The following RAP1A variants were observed in gnomAD, a reference collection of about 807,000 sequenced individuals.
The protein encoded by RAP1A is RAP1A, member of RAS oncogene family.
A neutral mutation model predicts 26.4 loss-of-function variants in RAP1A; 6 were observed. The observed-to-expected ratio is 0.23, with a 90% confidence interval of 0.12 to 0.45. The LOEUF (loss-of-function observed/expected upper bound fraction) is 0.45, where lower values mean the gene tolerates loss of function less well. RAP1A is among the 20% of genes least tolerant of loss of function. The pLI is 0.99. For synonymous variants in RAP1A, 73 were observed against 79.4 expected (o/e 0.92, Z 0.43); for missense variants, 121 against 217.2 (o/e 0.56, Z 2.78).
chr1:111,619,891 G>A lies in RAP1A; in HGVS notation c.-71G>A. The A allele has an allele frequency of 5.0e-6, 2 of 398,074 alleles. No individual in the cohort carries two copies. The highest frequency in any genetic ancestry group is 8.9e-6 in the Non-Finnish European group (2 of 225,956). 24.7% of individuals were successfully genotyped at this position (398,074 alleles called of 1,614,324 possible). A position where few individuals can be genotyped will look rare whatever the true frequency, so the allele number is the denominator to read the frequency against. On this transcript the variant is annotated 5_prime_UTR_variant, in exon 1 of 8. Transcript: ENST00000369709. The stretch of plus-strand genomic sequence containing the variant: ...AGAGGAGGGAGGAGGAGGAGGAGGA[G>A]GTGGAGGAGGTGGAGGAGGTGGAGG...
chr1:111,573,531 C>T (rs1032343739), intron 1 of RAP1A, among the ~76,000 whole-genome samples: 1 of 152,148 alleles, frequency 6.6e-6, no homozygotes, highest in African/African-American at 2.4e-5. Context: ...GACAGGGTTT[C>T]ACCATGTTAG....
intron 1 of RAP1A, among the ~76,000 whole-genome samples, chr1:111,650,877 C>T (rs577452141): frequency 6.4e-4 from 97 of 152,212 alleles, no homozygotes; most frequent in African/African-American, 2.3e-3. Flanking sequence ...CAACGGCTCA[C>T]TGCAACCTCC....
rs922058389 is a variant in RAP1A, at chr1:111,571,786, A to G, written c.-28+29277A>G. Among the ~76,000 whole-genome samples, 6 of 152,238 alleles carry G rather than the reference A, an allele frequency of 3.9e-5. No individual in the cohort carries two copies. The East Asian group carries it at 1.2e-3, about 29-fold the overall frequency. ...GGACAGGTCATTCTGCTAGAAGAAC[A>G]TATAACCCCAACTCCATACATAACC... On this transcript the variant is annotated intron_variant, in intron 1 of 7. Coordinates refer to the RAP1A transcript ENST00000356415.
chr1:111,654,234 AT>A (rs890673909), intron 1 of RAP1A, among the ~76,000 whole-genome samples: 23 of 151,814 alleles, frequency 1.5e-4, no homozygotes, highest in African/African-American at 2.2e-4. Context: ...CATCTTTTTT[AT>A]TTTTTTTAAC....
chr1:111,553,605 T>C (rs1657362487), intron 1 of RAP1A, among the ~76,000 whole-genome samples: 1 of 152,240 alleles, frequency 6.6e-6, no homozygotes, highest in African/African-American at 2.4e-5. Context: ...TAAATTTCTT[T>C]ATCTGGCTTT....
intron 4 of RAP1A, among the ~76,000 whole-genome samples, chr1:111,699,740 T>TA (rs1661960307): frequency 6.6e-6 from 1 of 152,050 alleles, no homozygotes. Context: ...AGTGCTGGGA[T>TA]AACAGGTGTG....
At chr1:111,652,158 G>C (rs1332814466) in intron 1 of RAP1A, among the ~76,000 whole-genome samples, 1 of 151,900 alleles carries the variant, frequency 6.6e-6, no homozygotes, top group East Asian at 1.9e-4. Context: ...ATTTTTAGTA[G>C]AGACCAGGTT....
chr1:111,551,293 G>C (rs1287917837), intron 1 of RAP1A, among the ~76,000 whole-genome samples: 1 of 152,022 alleles, frequency 6.6e-6, no homozygotes, highest in Non-Finnish European at 1.5e-5. Flanking sequence ...TTATGTATAT[G>C]TCTTATATCT....
At chr1:111,601,963 C>T (rs1658680712) in intron 1 of RAP1A, among the ~76,000 whole-genome samples, 1 of 152,158 alleles carries the variant, frequency 6.6e-6, no homozygotes, top group Admixed American at 6.5e-5. Context: ...ACAAGTGATT[C>T]AGGGTAAACT....
At chr1:111,625,633 G>A (rs1659374288) in intron 1 of RAP1A, among the ~76,000 whole-genome samples, 1 of 152,160 alleles carries the variant, frequency 6.6e-6, no homozygotes, top group African/African-American at 2.4e-5. Context: ...TGTAGCAGTT[G>A]AAATTTAATG....
chr1:111,634,625 G>A (rs182569683), intron 1 of RAP1A, among the ~76,000 whole-genome samples: 2 of 150,630 alleles, frequency 1.3e-5, no homozygotes, highest in Admixed American at 1.3e-4. Flanking sequence ...ATGTATGTAT[G>A]TATTTATTTA....
chr1:111,693,424 A>G (rs536164229), intron 2 of RAP1A, among the ~76,000 whole-genome samples: 39 of 152,158 alleles, frequency 2.6e-4, no homozygotes, highest in African/African-American at 7.7e-4. Context: ...GCTGGGGGCA[A>G]TTCCTCTCCA....
chr1:111,704,247 C>T, intron 5 of RAP1A, 96 bp from the exon 6 acceptor site: 1 of 1,282,198 alleles, frequency 7.8e-7, no homozygotes, highest in Non-Finnish European at 1.1e-6. Context: ...CCAACTAATG[C>T]ATTTCAGTTG....
chr1:111,601,969 A>G (rs934425742), intron 1 of RAP1A, among the ~76,000 whole-genome samples: 35 of 152,210 alleles, frequency 2.3e-4, no homozygotes, highest in African/African-American at 8.2e-4. Flanking sequence ...GATTCAGGGT[A>G]AACTTTAATT....
chr1:111,644,333 G>GT, intron 1 of RAP1A, among the ~76,000 whole-genome samples: 1 of 152,216 alleles, frequency 6.6e-6, no homozygotes, highest in Non-Finnish European at 1.5e-5. Context: ...AACCAGAGCA[G>GT]TTTGCAGGGG....
intron 2 of RAP1A, among the ~76,000 whole-genome samples, chr1:111,694,146 C>T (rs995277423): frequency 5.3e-5 from 8 of 152,100 alleles, no homozygotes; most frequent in Non-Finnish European, 1.0e-4. Context: ...CCTTGGCCTC[C>T]TAAAGTGCTA....
intron 1 of RAP1A, among the ~76,000 whole-genome samples, chr1:111,634,625 GTATTTATT>G (rs1007335632): frequency 6.6e-6 from 1 of 150,630 alleles, no homozygotes; most frequent in African/African-American, 2.4e-5. Flanking sequence ...ATGTATGTAT[GTATTTATT>G]TATTTATTTA....
At chr1:111,676,730 C>G (rs1661138595) in intron 1 of RAP1A, among the ~76,000 whole-genome samples, 1 of 152,092 alleles carries the variant, frequency 6.6e-6, no homozygotes, top group South Asian at 2.1e-4. Flanking sequence ...TGTGCCACCA[C>G]CACTGGCCCC....
chr1:111,609,559 G>A (rs11102313), intron 1 of RAP1A, among the ~76,000 whole-genome samples: 22,837 of 152,076 alleles, frequency 0.15, 1,834 homozygotes, highest in African/African-American at 0.2. Context: ...CTGGTGCTCC[G>A]CTCTGTGTCA....
Sources: allele counts gnomAD v4.1 joint callset (sites outside exome capture counted in the v4.1 genomes callset), GRCh38; gene constraint gnomAD v4.1.1; transcripts MANE v1.5; gene names NCBI Gene and HGNC (gene_info 2026-07-23, HGNC 2026-07-21).